The following FLACC1 variants were observed in gnomAD, a reference collection of about 807,000 sequenced individuals.
The protein encoded by FLACC1 is flagellum associated containing coiled-coil domains 1, also known as flagellum-associated coiled-coil domain-containing protein 1.
FLACC1 carries 66 observed loss-of-function variants against 62.8 expected under a neutral mutation model. That is an observed-to-expected ratio of 1.05 (90% CI 0.86 to 1.29). FLACC1 has a LOEUF of 1.29. Ranked by LOEUF, FLACC1 falls within the 50% of genes most tolerant of loss-of-function variation. The pLI is 0.00. For synonymous variants in FLACC1, 156 were observed against 161.0 expected (o/e 0.97, Z 0.24); for missense variants, 452 against 489.1 (o/e 0.92, Z 0.71).
intron 9 of FLACC1, among the ~76,000 whole-genome samples, chr2:201,309,493 G>A (rs1357914407): frequency 1.3e-5 from 2 of 152,144 alleles, no homozygotes; most frequent in Non-Finnish European, 2.9e-5. Flanking sequence ...AAGGTCAAGG[G>A]CAAACTATGC....
At chr2:201,358,637 T>C (rs1951154782), upstream of FLACC1, among the ~76,000 whole-genome samples, 1 of 151,974 alleles carries the variant, frequency 6.6e-6, no homozygotes, top group African/African-American at 2.4e-5. Context: ...CGGGATGGTC[T>C]CGATCTCCTG....
intron 12 of FLACC1, among the ~76,000 whole-genome samples, chr2:201,293,488 C>A (rs1196945082): frequency 6.6e-6 from 1 of 152,172 alleles, no homozygotes; most frequent in African/African-American, 2.4e-5. Context: ...AACAAAGACA[C>A]AACATACCAG....
upstream of FLACC1, among the ~76,000 whole-genome samples, chr2:201,362,161 TC>T (rs1211282305): frequency 6.6e-6 from 1 of 152,130 alleles, no homozygotes; most frequent in African/African-American, 2.4e-5. Flanking sequence ...TTAAACCTCA[TC>T]AGAAGGTTTT....
intron 9 of FLACC1, among the ~76,000 whole-genome samples, chr2:201,320,595 A>G (rs1950385507): frequency 6.6e-6 from 1 of 152,182 alleles, no homozygotes; most frequent in Admixed American, 6.5e-5. Flanking sequence ...CTGTGTGGCA[A>G]AGCCAGCAAC....
chr2:201,289,631 G>C, intron 13 of FLACC1, 65 bp from the exon 14 acceptor site: 1 of 1,611,032 alleles, frequency 6.2e-7, no homozygotes, highest in Non-Finnish European at 8.5e-7. Context: ...AGAGCTATAT[G>C]GCAGAGCTGG....
chr2:201,322,167 G>T (rs915666273), intron 9 of FLACC1, among the ~76,000 whole-genome samples: 1 of 151,796 alleles, frequency 6.6e-6, no homozygotes, highest in Non-Finnish European at 1.5e-5. Context: ...TACTTGGGAG[G>T]CTGAGGCACA....
chr2:201,304,007 T>G (rs1950047484), intron 11 of FLACC1, among the ~76,000 whole-genome samples: 1 of 152,224 alleles, frequency 6.6e-6, no homozygotes, highest in African/African-American at 2.4e-5. Context: ...GCATTCCCTT[T>G]GAAAACTGGC....
chr2:201,351,311 T>G lies in FLACC1; in HGVS notation c.94A>C (p.Asn32His), dbSNP rs373068360. The G allele has an allele frequency of 6.2e-7, 1 of 1,613,766 alleles. No homozygotes were observed. The highest frequency in any genetic ancestry group is 8.5e-7 in the Non-Finnish European group (1 of 1,179,660). ...LIKTPQLPRKNSTGSSKLTPL... is the reference protein window; with the variant it reads ...LIKTPQLPRKHSTGSSKLTPL... ...TCTTACTTGGAACTCCCTGTGGAGT[T>G]CTTGCGTGGTAGTTGAGGGGTCTTG... The change falls in exon 2 of 15, where the codon AAC becomes CAC. Residue 32 changes from asparagine to histidine, a missense_variant. By Grantham distance (68) the Asn-to-His change is moderately conservative. Transcript: ENST00000392257.
intron 11 of FLACC1, among the ~76,000 whole-genome samples, chr2:201,304,891 T>C (rs1950069325): frequency 6.6e-6 from 1 of 152,212 alleles, no homozygotes; most frequent in Non-Finnish European, 1.5e-5. Flanking sequence ...TGTAGAAAGC[T>C]GAAACTGGAT....
At chr2:201,348,500 C>T (rs1000551051) in intron 3 of FLACC1, among the ~76,000 whole-genome samples, 198 bp from the exon 4 acceptor site, 1 of 152,134 alleles carries the variant, frequency 6.6e-6, no homozygotes, top group African/African-American at 2.4e-5. Flanking sequence ...TGAAAAGGTC[C>T]TGCCCAAGGA....
intron 9 of FLACC1, among the ~76,000 whole-genome samples, chr2:201,323,809 G>GAAAAAAAAAA: frequency 1.3e-5 from 1 of 77,376 alleles, no homozygotes; most frequent in Non-Finnish European, 2.8e-5. Context: ...AAAAAGTAAG[G>GAAAAAAAAAA]AAGGAAGGAA....
rs1950925220 is a variant in FLACC1 at position 201,346,823 on chromosome 2, C to T, written c.235-148G>A. The T allele has an allele frequency of 1.1e-6, 1 of 934,812 alleles. No individual in the cohort carries two copies. The highest frequency in any genetic ancestry group is 1.6e-6 in the Non-Finnish European group (1 of 630,142). 57.9% of individuals were successfully genotyped at this position (934,812 alleles called of 1,614,324 possible). On this transcript the variant is annotated intron_variant, in intron 4 of 14. Transcript: ENST00000392257. The surrounding 1 kb of genome is among the most constrained non-coding windows in gnomAD (Gnocchi z 4.0). ...CTTCTGGGCCCTTCACCCATTATAG[C>T]TCATTCTCACATCTCTCCGACTCAA...
chr2:201,309,047 T>C, intron 10 of FLACC1, 104 bp downstream of exon 10: 1 of 921,096 alleles, frequency 1.1e-6, no homozygotes, highest in African/African-American at 1.6e-5. Context: ...ATGTGGCCCA[T>C]CACCCTTGGT....
intron 7 of FLACC1, among the ~76,000 whole-genome samples, chr2:201,339,251 C>T (rs1265387896): frequency 6.6e-6 from 1 of 152,014 alleles, no homozygotes; most frequent in Non-Finnish European, 1.5e-5. Context: ...ATTTCTGTGG[C>T]AACAGTTGTA....
At chr2:201,336,082 T>G (rs1258188827) in intron 7 of FLACC1, among the ~76,000 whole-genome samples, 1 of 152,216 alleles carries the variant, frequency 6.6e-6, no homozygotes, top group Non-Finnish European at 1.5e-5. Context: ...CACTGGGGTT[T>G]GGTGTACAAA....
intron 2 of FLACC1, 114 bp downstream of exon 2, chr2:201,351,178 G>A (rs1951020040): frequency 2.2e-6 from 2 of 928,204 alleles, no homozygotes; most frequent in Non-Finnish European, 3.3e-6. Context: ...GAGGCTTTCT[G>A]GCCCACCTGG....
At position 201,307,530 on chromosome 2, in the gene FLACC1, G is replaced by A; in HGVS notation, c.868C>T (p.Gln290Ter). The A allele has an allele frequency of 6.2e-7, 1 of 1,613,804 alleles. No homozygotes were observed. The highest frequency in any genetic ancestry group is 8.5e-7 in the Non-Finnish European group (1 of 1,179,664). The stretch of plus-strand genomic sequence containing the variant: ...TTGGGCTGAGTTACCTCCTTCTCTT[G>A]AATGAAGTTCTCAAAGACAGCACTG... ...SCSAVFENFI[Q>*]EKEELLKQHQ... The change falls in exon 11 of 15, where the codon CAA (glutamine) becomes TAA (stop). Residue 290 changes from glutamine (Q) to a stop codon, truncating the protein, a stop_gained. Coordinates refer to ENST00000392257, the MANE Select transcript of FLACC1 (RefSeq NM_001127391.3). LOFTEE classifies it high-confidence loss of function.
At chr2:201,299,718 A>C (rs940273814) in intron 11 of FLACC1, among the ~76,000 whole-genome samples, 2 of 152,238 alleles carry the variant, frequency 1.3e-5, no homozygotes, top group African/African-American at 2.4e-5. Context: ...AAGGCAAAAT[A>C]ATCTTGAAAA....
rs187757594 is a variant in FLACC1 at position 201,325,539 on chromosome 2, G to A, written c.675+4931C>T. ...AAGATCACTTGAGGCTACTATGAACGCCTTTTTGCATACAAACTGGAAAAC... is the reference window on the plus strand; with the variant it reads ...AAGATCACTTGAGGCTACTATGAACACCTTTTTGCATACAAACTGGAAAAC... On this transcript the variant is annotated intron_variant, in intron 9 of 14. Coordinates refer to ENST00000392257, the MANE Select transcript of FLACC1 (RefSeq NM_001127391.3). Among the ~76,000 whole-genome samples, 322 of 152,106 alleles carry A rather than the reference G, an allele frequency of 2.1e-3. 7 individuals are homozygous for A. The highest frequency in any genetic ancestry group is 0.013 in the Admixed American group (204 of 15,258).
Sources: allele counts gnomAD v4.1 joint callset (sites outside exome capture counted in the v4.1 genomes callset), GRCh38; gene constraint gnomAD v4.1.1; non-coding constraint Gnocchi (gnomAD v3.1); transcripts MANE v1.5; gene names NCBI Gene and HGNC (gene_info 2026-07-23, HGNC 2026-07-21).